NDE1: variants seen among roughly 807,000 people sequenced by gnomAD.
The protein encoded by NDE1 is nudE neurodevelopment protein 1.
In NDE1, 28 loss-of-function variants were observed where a neutral mutation model predicts 43.4. The observed-to-expected ratio is 0.65, with a 90% CI of 0.48 to 0.89. The LOEUF (loss-of-function observed/expected upper bound fraction) is 0.89, where lower values mean the gene tolerates loss of function less well. Ranked by LOEUF, NDE1 falls within the 40% of genes least tolerant of loss-of-function variation. The probability of loss-of-function intolerance (pLI) is 0.00; values close to 1 mark genes in which losing one functional copy is unlikely to be tolerated. For synonymous variants in NDE1, 184 were observed against 172.0 expected, an observed-to-expected ratio of 1.07 and a Z score of -0.55; for missense variants, 441 against 434.1, an observed-to-expected ratio of 1.02 and a Z score of -0.14.
At chr16:15,698,947 C>CGA (rs1359319011) in intron 8 of NDE1, among the ~76,000 whole-genome samples, 3 of 151,234 alleles carry the variant, frequency 2.0e-5, no homozygotes, top group Non-Finnish European at 4.4e-5. Flanking sequence ...TGCAGTGGTG[C>CGA]GACCATAGCT....
At chr16:15,683,329 T>A (rs765973225) in intron 4 of NDE1, 14 of 152,158 alleles carry the variant, frequency 9.2e-5, no homozygotes, top group Non-Finnish European at 1.8e-4. Flanking sequence ...ATTTTGCTGT[T>A]ATACTAAATA....
chr16:15,663,068 C>T (rs930433896), intron 1 of NDE1, among the ~76,000 whole-genome samples: 4 of 152,064 alleles, frequency 2.6e-5, no homozygotes, highest in East Asian at 1.9e-4. Flanking sequence ...TTGCAAAAGC[C>T]GTCTGTGACT....
At chr16:15,693,659 G>T (rs1396820378) in intron 6 of NDE1, among the ~76,000 whole-genome samples, 1 of 152,064 alleles carries the variant, frequency 6.6e-6, no homozygotes, top group South Asian at 2.1e-4. Flanking sequence ...TTTGTTAAAG[G>T]CCAGGCATGG....
chr16:15,723,817 G>T (rs1321649717), intron 8 of NDE1, among the ~76,000 whole-genome samples: 1 of 152,142 alleles, frequency 6.6e-6, no homozygotes, highest in African/African-American at 2.4e-5. Context: ...GAATTACTTG[G>T]AATACTACTC....
chr16:15,718,249 T>A, intron 8 of NDE1: 1 of 1,602,248 alleles, frequency 6.2e-7, no homozygotes, highest in African/African-American at 1.3e-5. Flanking sequence ...GTGTGTTGAC[T>A]GGTGCAGGAT....
intron 2 of NDE1, among the ~76,000 whole-genome samples, chr16:15,666,328 T>C (rs2037305451): frequency 6.6e-6 from 1 of 152,058 alleles, no homozygotes; most frequent in Admixed American, 6.6e-5. Flanking sequence ...TATTGAAAAA[T>C]TATTTTAGGT....
chr16:15,678,375 G>GT (rs371057413), intron 4 of NDE1, among the ~76,000 whole-genome samples: 70 of 151,142 alleles, frequency 4.6e-4, no homozygotes, highest in South Asian at 8.4e-4. Context: ...ACAGTTTTTT[G>GT]TTTTTTTTTG....
chr16:15,705,910 A>G (rs1401256194), intron 8 of NDE1, among the ~76,000 whole-genome samples: 1 of 142,982 alleles, frequency 7.0e-6, no homozygotes, highest in Non-Finnish European at 1.5e-5. Flanking sequence ...ACATGAACCC[A>G]GGAGGCGGAG....
rs182768107 is a variant in NDE1 at position 15,703,954 on chromosome 16, G to T, written c.947+7094G>T. The T allele has an allele frequency of 5.4e-4, 872 of 1,613,108 alleles. 15 individuals are homozygous for T. In the East Asian group the frequency reaches 0.017, roughly 32 times the overall value. On this transcript the variant is annotated intron_variant, in intron 8 of 8. Coordinates refer to ENST00000396354, the MANE Select transcript of NDE1 (RefSeq NM_017668.3). The stretch of plus-strand genomic sequence containing the variant: ...TTTTTGTTTGTTTGTTTTGGTTTTT[G>T]GTTTTCTTGCCGTGGTGCAAAACTG...
At chr16:15,658,605 G>GA (rs1176084609) in intron 1 of NDE1, among the ~76,000 whole-genome samples, 1 of 152,276 alleles carries the variant, frequency 6.6e-6, no homozygotes, top group East Asian at 1.9e-4. Context: ...TGCATGTCTG[G>GA]AAAAAACAAG....
chr16:15,644,504 G>T (rs2036261679), intron 1 of NDE1, among the ~76,000 whole-genome samples: 1 of 152,206 alleles, frequency 6.6e-6, no homozygotes, highest in Non-Finnish European at 1.5e-5. Context: ...TGGGCTGGGC[G>T]CAGTGGCTCA....
At chr16:15,667,161 G>A (rs1266217758) in intron 2 of NDE1, 125 bp from the exon 3 acceptor site, 17 of 1,096,594 alleles carry the variant, frequency 1.6e-5, no homozygotes, top group Middle Eastern at 2.1e-4. Context: ...CAGGAGAATC[G>A]CTTGAACCTG....
chr16:15,719,166 G>GC, intron 8 of NDE1: 1 of 1,530,880 alleles, frequency 6.5e-7, no homozygotes, highest in Middle Eastern at 1.7e-4. Context: ...CGAGGATGCT[G>GC]CCTGTCCCCC....
At chr16:15,686,973 A>G (rs974926312) in intron 4 of NDE1, 3 of 985,242 alleles carry the variant, frequency 3.0e-6, no homozygotes, top group Admixed American at 6.2e-5. Context: ...CTGGGATTAC[A>G]GGCATGAGCC....
chr16:15,717,171 G>C lies in NDE1; in HGVS notation c.948-7020G>C, dbSNP rs780770242. On this transcript the variant is annotated intron_variant, in intron 8 of 8. Transcript: ENST00000396354. ...TCCTGCTCGACCTGCTCCTCCAGCT[G>C]TGCAATCTTGGCCTCCAGCGCCGCG... The C allele has an allele frequency of 1.9e-6, 3 of 1,614,198 alleles. No individual in the cohort carries two copies. In the Admixed American group the frequency reaches 5.0e-5, roughly 27 times the overall value.
chr16:15,717,310 G>A, intron 8 of NDE1: 1 of 1,611,700 alleles, frequency 6.2e-7, no homozygotes, highest in Non-Finnish European at 8.5e-7. Context: ...TCTGGGCCGT[G>A]CTGCGCTCTG....
intron 8 of NDE1, chr16:15,717,706 G>C: frequency 2.8e-6 from 1 of 363,170 alleles, no homozygotes; most frequent in African/African-American, 2.1e-5. Flanking sequence ...TGAAGCAGGA[G>C]AATCCCTTGA....
intron 6 of NDE1, 78 bp downstream of exon 6, chr16:15,691,401 G>A (rs530939097): frequency 6.7e-7 from 1 of 1,502,514 alleles, no homozygotes; most frequent in South Asian, 1.2e-5. Context: ...GGTCCTGGGG[G>A]TGTGATGATT....
At chr16:15,659,856 C>T (rs1206558218) in intron 1 of NDE1, among the ~76,000 whole-genome samples, 1 of 150,972 alleles carries the variant, frequency 6.6e-6, no homozygotes, top group Admixed American at 6.6e-5. Flanking sequence ...TCAAGCAATT[C>T]TCCTGCCTTA....
Sources: gnomAD v4.1 joint callset for allele counts (sites outside exome capture counted in the v4.1 genomes callset) on GRCh38, gnomAD v4.1.1 for gene constraint, MANE v1.5 for transcripts, NCBI Gene and HGNC (gene_info 2026-07-23, HGNC 2026-07-21) for gene names.